KCNN2: variants seen among roughly 807,000 people sequenced by gnomAD.
KCNN2 encodes potassium calcium-activated channel subfamily N member 2, also known as small conductance calcium-activated potassium channel protein 2.
A neutral mutation model predicts 55.5 loss-of-function variants in KCNN2; 24 were observed. The ratio of observed to expected loss-of-function variants is 0.43; its 90% CI spans 0.31 to 0.61. KCNN2 has a LOEUF of 0.61. KCNN2 is among the 20% of genes least tolerant of loss of function. KCNN2 has a pLI of 0.08. For synonymous variants in KCNN2, 431 were observed against 336.1 expected (o/e 1.28, Z -3.09); for missense variants, 754 against 853.6 (o/e 0.88, Z 1.45).
intron 2 of KCNN2, among the ~76,000 whole-genome samples, chr5:114,310,422 A>G (rs1756372347): frequency 6.6e-6 from 1 of 152,206 alleles, no homozygotes; most frequent in South Asian, 2.1e-4. Flanking sequence ...CTATTGAAAA[A>G]AATTAAACAC....
At chr5:114,485,298 G>A (rs56284400) in intron 5 of KCNN2, among the ~76,000 whole-genome samples, 8,105 of 152,124 alleles carry the variant, frequency 0.053, 679 homozygotes, top group African/African-American at 0.19. Flanking sequence ...CTCCATCAGG[G>A]CCCCTTGCCA....
At position 114,092,087 on chromosome 5, in the gene KCNN2, G is replaced by A. The variant is rs1274833761; in HGVS notation, c.-271+35587G>A. 2.0e-5 allele frequency among the ~76,000 whole-genome samples: 3 copies of A among 152,160 alleles called. No homozygotes were observed. The East Asian group carries it at 5.8e-4, about 29-fold the overall frequency. On this transcript the variant is annotated intron_variant, in intron 1 of 10. Transcript: ENST00000512097. Reference sequence around the variant, plus strand: ...TCCAAGTCTATCTGAGACAAGGCAAGTCTCTTCTACCTAAGAGCCTGTAAA... The same window carrying A: ...TCCAAGTCTATCTGAGACAAGGCAAATCTCTTCTACCTAAGAGCCTGTAAA...
At chr5:114,149,272 C>T (rs768837671) in intron 1 of KCNN2, among the ~76,000 whole-genome samples, 2 of 152,044 alleles carry the variant, frequency 1.3e-5, no homozygotes, top group African/African-American at 2.4e-5. Flanking sequence ...ACCTTATCGT[C>T]GAGACCGAAG....
At chr5:114,321,261 T>C (rs980421412) in intron 2 of KCNN2, among the ~76,000 whole-genome samples, 11 of 152,190 alleles carry the variant, frequency 7.2e-5, no homozygotes, top group South Asian at 2.1e-4. Context: ...ACTCAATTTT[T>C]CACCTTAATC....
intron 5 of KCNN2, among the ~76,000 whole-genome samples, chr5:114,484,040 A>G (rs1178173797): frequency 6.6e-6 from 1 of 152,156 alleles, no homozygotes; most frequent in African/African-American, 2.4e-5. Context: ...CTTGTTATCA[A>G]GAGGGTCCTT....
intron 1 of KCNN2, among the ~76,000 whole-genome samples, chr5:114,119,190 C>A (rs1041618661): frequency 2.0e-5 from 3 of 152,174 alleles, no homozygotes; most frequent in African/African-American, 7.2e-5. Flanking sequence ...AGTGGGTCAG[C>A]CCAGGAGCGA....
At chr5:114,452,432 A>G (rs1266913477) in intron 3 of KCNN2, among the ~76,000 whole-genome samples, 1 of 152,174 alleles carries the variant, frequency 6.6e-6, no homozygotes, top group African/African-American at 2.4e-5. Flanking sequence ...TACTCCTTGC[A>G]ACCAGTTTTC....
chr5:114,447,243 A>G (rs1760452913), intron 3 of KCNN2, among the ~76,000 whole-genome samples: 1 of 152,176 alleles, frequency 6.6e-6, no homozygotes, highest in Admixed American at 6.5e-5. Context: ...TCTTAGCCTG[A>G]TTGGTAGAAT....
chr5:114,206,501 C>T (rs10040046), intron 1 of KCNN2, among the ~76,000 whole-genome samples: 13,837 of 152,130 alleles, frequency 0.091, 802 homozygotes, highest in Non-Finnish European at 0.12. Context: ...TTCTCTTTCT[C>T]CTCATATTTT....
At chr5:114,399,359 G>A (rs1213131503) in intron 2 of KCNN2, among the ~76,000 whole-genome samples, 1 of 152,120 alleles carries the variant, frequency 6.6e-6, no homozygotes, top group Non-Finnish European at 1.5e-5. Flanking sequence ...AGATGATCAT[G>A]TGATTTCTGT....
At chr5:114,130,656 T>C (rs1752053253) in intron 1 of KCNN2, among the ~76,000 whole-genome samples, 1 of 152,214 alleles carries the variant, frequency 6.6e-6, no homozygotes, top group African/African-American at 2.4e-5. Flanking sequence ...TCTGGATCTT[T>C]TTATCTAGCT....
intron 1 of KCNN2, among the ~76,000 whole-genome samples, chr5:114,116,383 TG>T (rs1231283763): frequency 3.3e-5 from 5 of 152,292 alleles, no homozygotes; most frequent in Non-Finnish European, 5.9e-5. Flanking sequence ...GAATTAAAAT[TG>T]TTTGAAAAGA....
intron 2 of KCNN2, among the ~76,000 whole-genome samples, chr5:114,365,752 T>A (rs1047200329): frequency 7.9e-5 from 12 of 152,262 alleles, no homozygotes; most frequent in African/African-American, 2.4e-4. Flanking sequence ...CATTCCAAAA[T>A]GTTCTTACAT....
chr5:114,171,920 T>A (rs1753040810), intron 1 of KCNN2, among the ~76,000 whole-genome samples: 1 of 151,978 alleles, frequency 6.6e-6, no homozygotes, highest in South Asian at 2.1e-4. Context: ...AACTTATCAG[T>A]ATAATTATCC....
At position 114,362,787 on chromosome 5, in the gene KCNN2, C is replaced by T. The variant is rs144037213; in HGVS notation, c.648C>T (p.Cys216=). The part of the protein sequence containing the change: ...NPFTEIAMSS[C]RYNGGVMRPL... ...TCACCGAAATAGCCATGAGCAGCTG[C>T]AGGTACAACGGGGGCGTCATGCGGC... The change falls in exon 1 of 8, where the codon TGC becomes TGT. Residue 216 remains cysteine, a synonymous_variant. Transcript: ENST00000673685. 8 of 1,592,294 alleles carry T rather than the reference C, an allele frequency of 5.0e-6. No homozygotes were observed. The highest frequency in any genetic ancestry group is 1.3e-5 in the African/African-American group (1 of 74,686).
At chr5:114,225,349 T>C (rs1262160165) in intron 2 of KCNN2, among the ~76,000 whole-genome samples, 1 of 152,178 alleles carries the variant, frequency 6.6e-6, no homozygotes, top group East Asian at 1.9e-4. Context: ...AAATTTATAT[T>C]ATATAGAAGA....
intron 1 of KCNN2, among the ~76,000 whole-genome samples, chr5:114,117,495 G>A (rs73260440): frequency 1.0e-3 from 157 of 152,294 alleles, no homozygotes; most frequent in African/African-American, 3.3e-3. Flanking sequence ...CTTCAGCAAC[G>A]GCAAAATGTA....
At chr5:114,223,029 A>C (rs1754173618) in intron 2 of KCNN2, among the ~76,000 whole-genome samples, 1 of 152,204 alleles carries the variant, frequency 6.6e-6, no homozygotes. Context: ...GACTACTAAC[A>C]GTCAGTAGCA....
chr5:114,222,271 G>C (rs1419161013), intron 2 of KCNN2, among the ~76,000 whole-genome samples: 1 of 152,190 alleles, frequency 6.6e-6, no homozygotes, highest in African/African-American at 2.4e-5. Context: ...GCAGGAAGCT[G>C]TAAGACCCTA....
Sources: gnomAD v4.1 joint callset for allele counts (sites outside exome capture counted in the v4.1 genomes callset) on GRCh38, gnomAD v4.1.1 for gene constraint, MANE v1.5 for transcripts, NCBI Gene and HGNC (gene_info 2026-07-23, HGNC 2026-07-21) for gene names.